Variants in CLIC5 observed in about 807,000 individuals in gnomAD.
CLIC5 encodes the protein chloride intracellular channel protein 5.
Under a neutral mutation model 24.7 loss-of-function variants are expected in CLIC5, and 20 were observed. The observed-to-expected ratio is 0.81, with a 90% CI of 0.57 to 1.18. CLIC5 has a LOEUF of 1.18. Among genes scored for constraint, CLIC5 ranks in the 50% most tolerant of loss-of-function variants. The probability of loss-of-function intolerance (pLI) is 0.00; values close to 1 mark genes in which losing one functional copy is unlikely to be tolerated. For missense variants in CLIC5, 341 were observed against 326.1 expected, an observed-to-expected ratio of 1.05 and a Z score of -0.35; for synonymous variants, 159 against 135.6, an observed-to-expected ratio of 1.17 and a Z score of -1.20.
intron 1 of CLIC5, among the ~76,000 whole-genome samples, chr6:46,073,544 T>C (rs964699807): frequency 1.3e-5 from 2 of 152,228 alleles, no homozygotes; most frequent in African/African-American, 4.8e-5. Context: ...GTCTGTTTGG[T>C]TCTGTTCTAG....
chr6:45,943,952 A>AAGTGCATTCATTTTACCTCCATATTT (rs1215163470), intron 3 of CLIC5, among the ~76,000 whole-genome samples: 1 of 152,248 alleles, frequency 6.6e-6, no homozygotes, highest in East Asian at 1.9e-4. Flanking sequence ...TATATAGGAT[A>AAGTGCATTCATTTTACCTCCATATTT]AGTGCATTCA....
intron 3 of CLIC5, among the ~76,000 whole-genome samples, chr6:45,945,685 ACT>A (rs1342756374): frequency 6.6e-6 from 1 of 151,906 alleles, no homozygotes; most frequent in Non-Finnish European, 1.5e-5. Flanking sequence ...AACCCGAGTC[ACT>A]CTGACTCCAA....
chr6:45,937,915 T>C (rs1479095065), intron 4 of CLIC5, among the ~76,000 whole-genome samples: 1 of 152,118 alleles, frequency 6.6e-6, no homozygotes, highest in African/African-American at 2.4e-5. Flanking sequence ...TGGAGAACCA[T>C]GTAACAGTGT....
At chr6:46,000,932 T>G (rs1325945457) in intron 1 of CLIC5, among the ~76,000 whole-genome samples, 1 of 152,204 alleles carries the variant, frequency 6.6e-6, no homozygotes, top group East Asian at 1.9e-4. Context: ...AAACCTCTTG[T>G]CAACTAGGTG....
intron 5 of CLIC5, among the ~76,000 whole-genome samples, chr6:45,910,133 C>G (rs1378035562): frequency 6.6e-6 from 1 of 152,052 alleles, no homozygotes; most frequent in African/African-American, 2.4e-5. Flanking sequence ...GTTTCAGTAC[C>G]CTTTTTTTTT....
At chr6:45,974,400 T>C (rs1028200302) in intron 1 of CLIC5, among the ~76,000 whole-genome samples, 5 of 150,654 alleles carry the variant, frequency 3.3e-5, no homozygotes, top group Non-Finnish European at 5.9e-5. Flanking sequence ...ACAATTATAT[T>C]TATATATAGG....
intron 1 of CLIC5, among the ~76,000 whole-genome samples, chr6:46,045,660 G>A (rs1298156432): frequency 5.3e-5 from 8 of 152,152 alleles, no homozygotes; most frequent in Non-Finnish European, 1.0e-4. Context: ...GTAAGCCAGA[G>A]AGGAACTTAT....
chr6:46,050,853 A>ATGTGTGTGTGTGTGTGTGTGTGTG lies in CLIC5; in HGVS notation c.540+28826_540+28849dup. Among the ~76,000 whole-genome samples the ATGTGTGTGTGTGTGTGTGTGTGTG allele has an allele frequency of 2.7e-5, 4 of 148,676 alleles. No individual in the cohort carries two copies. The South Asian group carries it at 8.7e-4, about 32-fold the overall frequency. On this transcript the variant is annotated intron_variant, in intron 1 of 5. Coordinates refer to the CLIC5 transcript ENST00000185206. ...TATTTAAGGTATAAAGTGTGTGTGTATGTGTGTGTGTGTGTGTGTGTGTGC... is the reference window on the plus strand; with the variant it reads ...TATTTAAGGTATAAAGTGTGTGTGTATGTGTGTGTGTGTGTGTGTGTGTGTGTGTGTGTGTGTGTGTGTGTGTGC...
At chr6:46,008,415 G>C (rs916281976) in intron 1 of CLIC5, among the ~76,000 whole-genome samples, 1 of 152,086 alleles carries the variant, frequency 6.6e-6, no homozygotes, top group Non-Finnish European at 1.5e-5. Context: ...GACACCATTT[G>C]GGCCACACTG....
intron 1 of CLIC5, among the ~76,000 whole-genome samples, chr6:45,986,143 T>C (rs961209423): frequency 2.6e-5 from 4 of 152,290 alleles, no homozygotes; most frequent in Admixed American, 1.3e-4. Flanking sequence ...CTTTCCTTTA[T>C]AAATTACTCA....
At chr6:46,081,792 A>G (rs760246808), upstream of CLIC5, among the ~76,000 whole-genome samples, 2 of 152,220 alleles carry the variant, frequency 1.3e-5, no homozygotes, top group Non-Finnish European at 2.9e-5. Context: ...ACAAAAACTT[A>G]ATGGCGGAGC....
chr6:46,110,808 AGATTCTTCAT>A, the CLIC5 span, among the ~76,000 whole-genome samples: 3 of 152,328 alleles, frequency 2.0e-5, no homozygotes, highest in African/African-American at 7.2e-5. Context: ...GTCTAGTCTT[AGATTCTTCAT>A]GATTTTCTCC....
chr6:46,117,205 C>T, the CLIC5 span, among the ~76,000 whole-genome samples: 1 of 152,146 alleles, frequency 6.6e-6, no homozygotes, highest in East Asian at 1.9e-4. Context: ...AGCTGTACTC[C>T]ACCATGTAAC....
chr6:45,941,979 A>C (rs1270265570), intron 3 of CLIC5, among the ~76,000 whole-genome samples: 2 of 152,168 alleles, frequency 1.3e-5, no homozygotes, highest in African/African-American at 4.8e-5. Context: ...TGGCGCAATC[A>C]AAGTTCCCTC....
chr6:45,933,270 C>A (rs112337313), intron 4 of CLIC5, among the ~76,000 whole-genome samples: 2 of 152,274 alleles, frequency 1.3e-5, no homozygotes, highest in East Asian at 3.9e-4. Flanking sequence ...TACACTCCCT[C>A]GCCCTCTGGT....
At chr6:46,048,262 C>G (rs764221180) in intron 1 of CLIC5, among the ~76,000 whole-genome samples, 84 of 152,308 alleles carry the variant, frequency 5.5e-4, no homozygotes, top group Non-Finnish European at 9.7e-4. Context: ...CTGGGCCTCC[C>G]AAACTGCTGG....
chr6:45,983,990 C>G (rs1401652101), intron 1 of CLIC5, among the ~76,000 whole-genome samples: 2 of 152,104 alleles, frequency 1.3e-5, no homozygotes, highest in East Asian at 3.9e-4. Context: ...AATCAATGTC[C>G]AGCACATAGT....
Position 46,014,959 on chromosome 6 carries a change from A to C in CLIC5, c.63+521T>G, listed in dbSNP as rs558370053. On this transcript the variant is annotated intron_variant, in intron 1 of 5. Coordinates refer to ENST00000339561, the MANE Select transcript of CLIC5 (RefSeq NM_016929.5). ...TTTTCTGCTTTGCAAGTCACCAAGC[A>C]AGAAAACACTTTTGTCTCCTTGGCT... Among the ~76,000 whole-genome samples the C allele has an allele frequency of 3.3e-5, 5 of 152,364 alleles. No homozygotes were observed. In the South Asian group the frequency reaches 1.0e-3, roughly 32 times the overall value.
chr6:46,014,500 C>T (rs928860920), intron 1 of CLIC5: 2 of 152,172 alleles, frequency 1.3e-5, no homozygotes, highest in African/African-American at 2.4e-5. Flanking sequence ...AGAGAGTTTT[C>T]CCCCTTTGTG....
Sources: allele counts gnomAD v4.1 joint callset (sites outside exome capture counted in the v4.1 genomes callset), GRCh38; gene constraint gnomAD v4.1.1; transcripts MANE v1.5; gene names NCBI Gene and HGNC (gene_info 2026-07-23, HGNC 2026-07-21).